STK4: variants seen among roughly 807,000 people sequenced by gnomAD.
STK4 encodes the protein serine/threonine kinase 4.
STK4 carries 30 observed loss-of-function variants against 64.9 expected under a neutral mutation model. That is an observed-to-expected ratio of 0.46 (90% CI 0.35 to 0.63). STK4 has a LOEUF of 0.63. Among genes scored for constraint, STK4 ranks in the 20% least tolerant of loss-of-function variants. The pLI is 0.01. For synonymous variants in STK4, 177 were observed against 199.0 expected, an observed-to-expected ratio of 0.89 and a Z score of 0.93; for missense variants, 466 against 598.5, an observed-to-expected ratio of 0.78 and a Z score of 2.31.
chr20:44,976,683 C>T (rs191394658), intron 2 of STK4, among the ~76,000 whole-genome samples: 230 of 152,256 alleles, frequency 1.5e-3, no homozygotes, highest in African/African-American at 5.3e-3. Flanking sequence ...GCTAATTTAT[C>T]AAGAATGCCT....
rs1421424985 is a variant in STK4, at chr20:44,972,221, G to A, written c.116+63G>A. The stretch of plus-strand genomic sequence containing the variant: ...CAGTCTTTTTCCTGCCCCAGAAGAA[G>A]CAGAAGGATATGAACCTTTCAGCAT... On this transcript the variant is annotated intron_variant, in intron 2 of 10. Coordinates refer to ENST00000372806, the MANE Select transcript of STK4 (RefSeq NM_006282.5). The A allele has an allele frequency of 7.7e-6, 11 of 1,436,430 alleles. No individual in the cohort carries two copies. In the East Asian group the frequency reaches 2.5e-4, roughly 33 times the overall value. 89.0% of individuals were successfully genotyped at this position (1,436,430 alleles called of 1,614,324 possible).
intron 5 of STK4, among the ~76,000 whole-genome samples, chr20:44,992,234 T>C (rs1047029029): frequency 6.6e-6 from 1 of 150,596 alleles, no homozygotes; most frequent in African/African-American, 2.4e-5. Context: ...TTAATCTATG[T>C]TTTTTTTATT....
rs200105994 is a variant in STK4 at position 44,981,813 on chromosome 20, G to GTC, written c.246-4_246-3dup. 30 of 1,435,858 alleles carry GTC rather than the reference G, an allele frequency of 2.1e-5. No homozygotes were observed. The highest frequency in any genetic ancestry group is 9.2e-5 in the East Asian group (4 of 43,622). 88.9% of individuals were successfully genotyped at this position (1,435,858 alleles called of 1,614,324 possible). A position where few individuals can be genotyped will look rare whatever the true frequency, so the allele number is the denominator to read the frequency against. On this transcript the variant is annotated splice_polypyrimidine_tract_variant and intron_variant, in intron 3 of 10. Coordinates refer to ENST00000372806, the MANE Select transcript of STK4 (RefSeq NM_006282.5). ...GAAGGCCATTTTATTAATTTGTATT[G>GTC]TCTCTCTCTCTCTAGCCCTCATGTA...
intron 10 of STK4, among the ~76,000 whole-genome samples, chr20:45,045,876 G>A (rs1414522676): frequency 6.6e-5 from 10 of 151,596 alleles, no homozygotes; most frequent in African/African-American, 2.2e-4. Context: ...GCCCAATCTC[G>A]GCTCACTGCA....
chr20:45,013,803 T>C (rs1343035674), intron 9 of STK4, among the ~76,000 whole-genome samples: 1 of 152,136 alleles, frequency 6.6e-6, no homozygotes, highest in Non-Finnish European at 1.5e-5. Context: ...CTTGATCTTT[T>C]AGCTTCTGGA....
chr20:45,001,665 T>C (rs1462189310), intron 9 of STK4, among the ~76,000 whole-genome samples: 3 of 152,222 alleles, frequency 2.0e-5, no homozygotes, highest in Non-Finnish European at 4.4e-5. Context: ...GCACATGCAT[T>C]GTTTGATGCA....
intron 9 of STK4, among the ~76,000 whole-genome samples, chr20:45,012,796 C>CTT (rs11472577): frequency 0.026 from 2,016 of 77,822 alleles, 87 homozygotes; most frequent in African/African-American, 0.067. Flanking sequence ...TCTTCTTCTT[C>CTT]TTCTTTTTTT....
At chr20:45,052,157 C>G (rs1266744360) in intron 10 of STK4, among the ~76,000 whole-genome samples, 1 of 152,058 alleles carries the variant, frequency 6.6e-6, no homozygotes, top group East Asian at 1.9e-4. Context: ...TGTTGGTTTG[C>G]TCTTCTATAA....
chr20:45,048,119 GACGCCA>G (rs575124130), intron 10 of STK4, among the ~76,000 whole-genome samples: 53 of 152,242 alleles, frequency 3.5e-4, no homozygotes, highest in Non-Finnish European at 6.5e-4. Flanking sequence ...GGACACCCAG[GACGCCA>G]ACATGAGCAT....
At chr20:44,986,268 C>T (rs1480995740) in intron 4 of STK4, among the ~76,000 whole-genome samples, 1 of 152,076 alleles carries the variant, frequency 6.6e-6, no homozygotes, top group African/African-American at 2.4e-5. Context: ...AGAAAGCCCT[C>T]TCCATTTTCT....
At chr20:45,059,577 A>T (rs897719160) in intron 10 of STK4, among the ~76,000 whole-genome samples, 1 of 152,214 alleles carries the variant, frequency 6.6e-6, no homozygotes, top group Non-Finnish European at 1.5e-5. Context: ...ATAGAGCAGG[A>T]CAGCGCAGGA....
At chr20:45,002,857 C>G (rs1402523056) in intron 9 of STK4, among the ~76,000 whole-genome samples, 1 of 150,680 alleles carries the variant, frequency 6.6e-6, no homozygotes, top group Non-Finnish European at 1.5e-5. Context: ...CTTCAAAGTC[C>G]TGATTTATAG....
intron 9 of STK4, among the ~76,000 whole-genome samples, chr20:45,022,188 G>C (rs1477123939): frequency 2.6e-5 from 4 of 151,972 alleles, no homozygotes; most frequent in African/African-American, 9.7e-5. Flanking sequence ...TAATCATTTT[G>C]CTATAATTAA....
chr20:45,060,671 A>G (rs973769030), intron 10 of STK4, among the ~76,000 whole-genome samples: 5 of 152,198 alleles, frequency 3.3e-5, no homozygotes, highest in Admixed American at 3.3e-4. Flanking sequence ...GGGTAAGAGC[A>G]CTTATTTCTT....
intron 10 of STK4, among the ~76,000 whole-genome samples, chr20:45,062,854 T>C (rs1003606986): frequency 2.7e-5 from 4 of 149,288 alleles, no homozygotes; most frequent in Non-Finnish European, 6.0e-5. Context: ...TTTTTTTTTT[T>C]TTTTTTTTTG....
intron 10 of STK4, among the ~76,000 whole-genome samples, chr20:45,071,694 A>G (rs1980080972): frequency 6.6e-6 from 1 of 152,266 alleles, no homozygotes; most frequent in Non-Finnish European, 1.5e-5. Context: ...TAAGGAAGAT[A>G]CAGAATCATG....
At chr20:44,996,040 A>G (rs895543904) in intron 6 of STK4, among the ~76,000 whole-genome samples, 7 of 152,160 alleles carry the variant, frequency 4.6e-5, no homozygotes, top group African/African-American at 1.7e-4. Flanking sequence ...TAATAGTGTT[A>G]AGAAGAAAGC....
intron 10 of STK4, among the ~76,000 whole-genome samples, chr20:45,026,808 T>TATTCTCC (rs1255328366): frequency 1.3e-5 from 2 of 152,226 alleles, no homozygotes; most frequent in Non-Finnish European, 2.9e-5. Flanking sequence ...CATCTGCTAC[T>TATTCTCC]ATTCTCCTCT....
chr20:44,992,746 G>A (rs1027078464), intron 5 of STK4, among the ~76,000 whole-genome samples: 1 of 151,974 alleles, frequency 6.6e-6, no homozygotes, highest in Non-Finnish European at 1.5e-5. Flanking sequence ...CTAGGCTAGA[G>A]GACAGTAGCG....
Sources: gnomAD v4.1 joint callset for allele counts (sites outside exome capture counted in the v4.1 genomes callset) on GRCh38, gnomAD v4.1.1 for gene constraint, MANE v1.5 for transcripts, NCBI Gene and HGNC (gene_info 2026-07-23, HGNC 2026-07-21) for gene names.